THSD7B: variants seen among roughly 807,000 people sequenced by gnomAD.
The protein encoded by THSD7B is thrombospondin type 1 domain containing 7B, also known as thrombospondin type-1 domain-containing protein 7B.
THSD7B carries 138 observed loss-of-function variants against 213.6 expected under a neutral mutation model. The ratio of observed to expected loss-of-function variants is 0.65; its 90% CI spans 0.56 to 0.74. The LOEUF (loss-of-function observed/expected upper bound fraction) is 0.74. THSD7B is among the 30% of genes least tolerant of loss of function. The pLI is 0.00. For synonymous variants in THSD7B, 742 were observed against 687.0 expected (o/e 1.08, Z -1.25); for missense variants, 1,931 against 1,991.5 (o/e 0.97, Z 0.58).
chr2:137,627,988 T>C (rs768822199), intron 20 of THSD7B, among the ~76,000 whole-genome samples: 11 of 152,252 alleles, frequency 7.2e-5, no homozygotes, highest in Non-Finnish European at 1.3e-4. Context: ...ATTAGCTGAA[T>C]CTTTCTGAAT....
intron 2 of THSD7B, among the ~76,000 whole-genome samples, chr2:136,950,375 A>G (rs1014787319): frequency 3.9e-5 from 6 of 152,214 alleles, no homozygotes; most frequent in African/African-American, 1.4e-4. Context: ...TGGCACATGT[A>G]TACATATGTA....
chr2:137,433,807 A>T (rs1477759160), intron 14 of THSD7B, among the ~76,000 whole-genome samples: 7 of 152,188 alleles, frequency 4.6e-5, no homozygotes, highest in African/African-American at 1.7e-4. Flanking sequence ...TGTGCAGTTT[A>T]AAAAAACTCT....
chr2:137,077,305 T>G (rs1687647869), intron 3 of THSD7B, among the ~76,000 whole-genome samples: 1 of 152,320 alleles, frequency 6.6e-6, no homozygotes, highest in Admixed American at 6.5e-5. Context: ...TGTGTCTTTA[T>G]AGCAGCATGT....
intron 17 of THSD7B, among the ~76,000 whole-genome samples, chr2:137,608,960 T>C (rs566779806): frequency 1.3e-5 from 2 of 152,362 alleles, no homozygotes; most frequent in East Asian, 1.9e-4. Flanking sequence ...TTTTTACCTA[T>C]GTAAAATGCA....
rs140670850 is a variant in THSD7B, at chr2:136,906,631, G to C, written c.139+24314G>C. On this transcript the variant is annotated intron_variant, in intron 2 of 27. Transcript: ENST00000409968. Reference sequence around the variant, plus strand: ...ATATATTTGACTGGGAAGTTCTACTGTAACTTTTCCAGAATCCTTCACTGT... The same window carrying C: ...ATATATTTGACTGGGAAGTTCTACTCTAACTTTTCCAGAATCCTTCACTGT... 3.9e-5 allele frequency: 6 copies of C among 152,256 alleles called. 1 individual carries two copies. In the East Asian group the frequency reaches 1.2e-3, roughly 29 times the overall value. The allele number at this position is 152,256 out of a possible 1,614,324, so 9.4% of individuals were successfully genotyped here.
At chr2:137,626,421 G>A (rs376532971) in intron 20 of THSD7B, among the ~76,000 whole-genome samples, 6 of 144,806 alleles carry the variant, frequency 4.1e-5, no homozygotes, top group East Asian at 2.0e-4. Flanking sequence ...CCAAGATAGC[G>A]CCACTGCAGT....
At chr2:136,950,032 T>C (rs909378775) in intron 2 of THSD7B, among the ~76,000 whole-genome samples, 1 of 152,096 alleles carries the variant, frequency 6.6e-6, no homozygotes, top group African/African-American at 2.4e-5. Context: ...GGTGAGCGGA[T>C]CACGAGGTCA....
At chr2:137,475,436 C>G (rs1018273242) in intron 15 of THSD7B, among the ~76,000 whole-genome samples, 1 of 152,076 alleles carries the variant, frequency 6.6e-6, no homozygotes, top group Non-Finnish European at 1.5e-5. Flanking sequence ...TATTTATTCT[C>G]TTAAACTGCT....
intron 15 of THSD7B, among the ~76,000 whole-genome samples, chr2:137,539,364 G>A (rs1680565338): frequency 6.6e-6 from 1 of 151,756 alleles, no homozygotes. Context: ...ACACTGGGAA[G>A]GGGGTAAGAT....
intron 10 of THSD7B, among the ~76,000 whole-genome samples, chr2:137,268,367 T>C (rs1199874733): frequency 2.8e-5 from 4 of 143,494 alleles, no homozygotes; most frequent in East Asian, 2.4e-4. Context: ...AGTATTCTCA[T>C]TGTTCAATTC....
intron 3 of THSD7B, among the ~76,000 whole-genome samples, chr2:137,091,191 T>C (rs1198645427): frequency 6.6e-6 from 1 of 152,180 alleles, no homozygotes; most frequent in Non-Finnish European, 1.5e-5. Context: ...CTGCACATGC[T>C]CTTACTGTTG....
At chr2:137,558,766 T>C (rs549672850) in intron 15 of THSD7B, among the ~76,000 whole-genome samples, 1 of 152,070 alleles carries the variant, frequency 6.6e-6, no homozygotes, top group African/African-American at 2.4e-5. Flanking sequence ...AAAAGAGGAA[T>C]TCAAATTGTC....
intron 12 of THSD7B, among the ~76,000 whole-genome samples, chr2:137,330,065 C>G (rs1263626457): frequency 6.6e-6 from 1 of 152,150 alleles, no homozygotes; most frequent in Non-Finnish European, 1.5e-5. Flanking sequence ...ACCTTGGCAG[C>G]TTCCATGTAG....
chr2:137,074,570 G>A (rs1333123266), intron 3 of THSD7B, among the ~76,000 whole-genome samples: 4 of 152,146 alleles, frequency 2.6e-5, no homozygotes, highest in Middle Eastern at 3.4e-3. Flanking sequence ...TAATTGGAGC[G>A]TTTAGCCCAT....
chr2:136,933,110 TCC>T (rs1295140987), intron 2 of THSD7B, among the ~76,000 whole-genome samples: 1 of 34,124 alleles, frequency 2.9e-5, no homozygotes, highest in Non-Finnish European at 1.0e-4. Context: ...TGCCCGCCAT[TCC>T]TTCCTTCCTT....
At chr2:136,890,858 G>A (rs1031428737) in intron 2 of THSD7B, among the ~76,000 whole-genome samples, 2 of 150,780 alleles carry the variant, frequency 1.3e-5, no homozygotes, top group African/African-American at 2.5e-5. Context: ...ACACTTCTGA[G>A]ATTTTTTTTT....
chr2:137,158,160 G>A (rs559897718), intron 5 of THSD7B, among the ~76,000 whole-genome samples: 37 of 152,306 alleles, frequency 2.4e-4, no homozygotes, highest in Admixed American at 1.9e-3. Flanking sequence ...TGAAACGAAT[G>A]CATGATTTAC....
chr2:137,376,727 A>T (rs187978044), intron 12 of THSD7B, among the ~76,000 whole-genome samples: 38 of 152,358 alleles, frequency 2.5e-4, no homozygotes, highest in Admixed American at 2.4e-3. Flanking sequence ...AGAATGAAGT[A>T]TGTCTAAATT....
intron 1 of THSD7B, among the ~76,000 whole-genome samples, chr2:136,840,360 CAA>C (rs936140869): frequency 1.3e-5 from 2 of 152,020 alleles, no homozygotes; most frequent in African/African-American, 2.4e-5. Context: ...GCCTGGGTGA[CAA>C]GAGCAAAACT....
Sources: gnomAD v4.1 joint callset for allele counts (sites outside exome capture counted in the v4.1 genomes callset) on GRCh38, gnomAD v4.1.1 for gene constraint, MANE v1.5 for transcripts, NCBI Gene and HGNC (gene_info 2026-07-23, HGNC 2026-07-21) for gene names.